Variants in EBF1 observed in about 807,000 individuals in gnomAD.
The protein encoded by EBF1 is transcription factor COE1.
A neutral mutation model predicts 68.4 loss-of-function variants in EBF1; 10 were observed. That is an observed-to-expected ratio of 0.15 (90% CI 0.09 to 0.25). EBF1 has a LOEUF of 0.25. Among genes scored for constraint, EBF1 ranks in the 10% least tolerant of loss-of-function variants. The probability of loss-of-function intolerance (pLI) is 1.00; values close to 1 mark genes in which losing one functional copy is unlikely to be tolerated. For missense variants in EBF1, 509 were observed against 794.4 expected, an observed-to-expected ratio of 0.64 and a Z score of 4.32; for synonymous variants, 298 against 299.8, an observed-to-expected ratio of 0.99 and a Z score of 0.06.
chr5:158,934,575 T>G (rs933124553), intron 6 of EBF1, among the ~76,000 whole-genome samples: 1 of 152,220 alleles, frequency 6.6e-6, no homozygotes, highest in African/African-American at 2.4e-5. Context: ...CAGACAGACC[T>G]TGCAATGGGC....
At chr5:158,834,869 G>T (rs1358511487) in intron 7 of EBF1, among the ~76,000 whole-genome samples, 1 of 152,244 alleles carries the variant, frequency 6.6e-6, no homozygotes, top group African/African-American at 2.4e-5. Flanking sequence ...GAAAGCAGCG[G>T]CAGTGACCAC....
At chr5:158,798,624 T>G (rs1780015404) in intron 8 of EBF1, among the ~76,000 whole-genome samples, 1 of 152,120 alleles carries the variant, frequency 6.6e-6, no homozygotes, top group Admixed American at 6.6e-5. Flanking sequence ...GATACAGAAG[T>G]CACGTGGGTG....
At chr5:158,714,026 A>T (rs1760066417) in intron 12 of EBF1, 91 bp downstream of exon 12, 2 of 1,360,684 alleles carry the variant, frequency 1.5e-6, no homozygotes, top group African/African-American at 2.9e-5. Context: ...CATGGCTTTT[A>T]TATTGTTTGT....
At position 158,962,143 on chromosome 5, in the gene EBF1, G is replaced by A. The variant is rs77530624; in HGVS notation, c.554+111253C>T. On this transcript the variant is annotated intron_variant, in intron 6 of 15. Coordinates refer to ENST00000313708, the MANE Select transcript of EBF1 (RefSeq NM_024007.5). ...GATAAAGCCGGTGGCAGCTTGAGGG[G>A]CGGTATGCTTCCAAAATACGTAAAC... Among the ~76,000 whole-genome samples the A allele has an allele frequency of 5.2e-3, 798 of 152,248 alleles. 44 individuals carry two copies. The East Asian group carries it at 0.13, about 25-fold the overall frequency.
intron 6 of EBF1, among the ~76,000 whole-genome samples, chr5:158,886,125 C>T (rs1297247737): frequency 2.0e-5 from 3 of 152,222 alleles, no homozygotes; most frequent in Admixed American, 2.0e-4. Flanking sequence ...TTCCTACCTT[C>T]CAGATTATCT....
chr5:158,972,296 A>AT (rs1292708313), intron 6 of EBF1, among the ~76,000 whole-genome samples: 2 of 152,108 alleles, frequency 1.3e-5, no homozygotes, highest in Non-Finnish European at 2.9e-5. Context: ...ACCTGCCCAT[A>AT]TTACCCACGT....
At chr5:158,864,622 A>T (rs1795550186) in intron 6 of EBF1, among the ~76,000 whole-genome samples, 1 of 152,182 alleles carries the variant, frequency 6.6e-6, no homozygotes, top group East Asian at 1.9e-4. Context: ...AAAGACTCAC[A>T]AGTTAAAAAA....
At chr5:158,844,638 C>T (rs374705943) in intron 6 of EBF1, among the ~76,000 whole-genome samples, 6 of 152,182 alleles carry the variant, frequency 3.9e-5, no homozygotes, top group African/African-American at 1.4e-4. Flanking sequence ...ATCCATATGT[C>T]CTGATGTCTA....
Position 158,885,217 on chromosome 5 carries a change from A to G in EBF1, c.555-45107T>C, listed in dbSNP as rs535486842. Among the ~76,000 whole-genome samples, 5 of 152,348 alleles carry G rather than the reference A, an allele frequency of 3.3e-5. No individual in the cohort carries two copies. The South Asian group carries it at 1.0e-3, about 32-fold the overall frequency. On this transcript the variant is annotated intron_variant, in intron 6 of 15. Transcript: ENST00000313708. ...TTCATCCAGATGACAATGGGAAGAC[A>G]TGGAAAAGTTTCAGCCAGAAGATGA...
At chr5:159,016,391 C>T (rs1765624617) in intron 6 of EBF1, among the ~76,000 whole-genome samples, 1 of 152,114 alleles carries the variant, frequency 6.6e-6, no homozygotes, top group South Asian at 2.1e-4. Flanking sequence ...TTCGGAATTG[C>T]TCTCTCATAA....
intron 1 of EBF1, among the ~76,000 whole-genome samples, chr5:159,098,931 A>G (rs1783145324): frequency 6.6e-6 from 1 of 151,848 alleles, no homozygotes; most frequent in Non-Finnish European, 1.5e-5. Context: ...GAAGGAAGAG[A>G]AAGAAAGAAA....
intron 10 of EBF1, among the ~76,000 whole-genome samples, chr5:158,752,579 C>A (rs539955879): frequency 6.6e-6 from 1 of 152,130 alleles, no homozygotes; most frequent in African/African-American, 2.4e-5. Flanking sequence ...TCTACAATGG[C>A]AAATTTTTAC....
intron 6 of EBF1, among the ~76,000 whole-genome samples, chr5:158,850,866 G>C (rs573482476): frequency 6.6e-6 from 1 of 151,906 alleles, no homozygotes; most frequent in Non-Finnish European, 1.5e-5. Context: ...AATTAGCCAG[G>C]CATGGTGGCG....
intron 9 of EBF1, among the ~76,000 whole-genome samples, chr5:158,792,214 A>G (rs983218850): frequency 1.1e-4 from 17 of 152,368 alleles, no homozygotes; most frequent in Non-Finnish European, 2.4e-4. Flanking sequence ...GAATAAGAGT[A>G]AAATAATTTA....
chr5:158,803,899 A>G (rs2127769695), intron 8 of EBF1, among the ~76,000 whole-genome samples: 1 of 150,194 alleles, frequency 6.7e-6, no homozygotes, highest in African/African-American at 2.5e-5. Flanking sequence ...TATCTAGATA[A>G]TACTTGGCAA....
chr5:159,058,438 G>C (rs1220696597), intron 6 of EBF1, among the ~76,000 whole-genome samples: 1 of 152,186 alleles, frequency 6.6e-6, no homozygotes, highest in African/African-American at 2.4e-5. Flanking sequence ...CTGGGGAATT[G>C]TCCAGTCCAC....
At chr5:158,894,477 C>T (rs1237993332) in intron 6 of EBF1, among the ~76,000 whole-genome samples, 1 of 152,090 alleles carries the variant, frequency 6.6e-6, no homozygotes, top group Non-Finnish European at 1.5e-5. Flanking sequence ...CTTTTTTACT[C>T]ATACTCCTGA....
Position 159,049,905 on chromosome 5 carries a change from G to A in EBF1, c.554+23491C>T, listed in dbSNP as rs17056486. On this transcript the variant is annotated intron_variant, in intron 6 of 15. Transcript: ENST00000313708. ...TTGTCCTACAAAACTAACTCTCTCC[G>A]ACACAGCACAGCAAATTCATTCAAT... Among the ~76,000 whole-genome samples the A allele has an allele frequency of 6.2e-3, 945 of 152,192 alleles. 10 individuals are homozygous for A. The highest frequency in any genetic ancestry group is 0.022 in the African/African-American group (900 of 41,514).
intron 6 of EBF1, among the ~76,000 whole-genome samples, chr5:158,980,966 A>T (rs146467713): frequency 6.6e-6 from 1 of 152,332 alleles, no homozygotes; most frequent in African/African-American, 2.4e-5. Context: ...TTTCTAAAAC[A>T]TGATGAATAT....
Sources: gnomAD v4.1 joint callset for allele counts (sites outside exome capture counted in the v4.1 genomes callset) on GRCh38, gnomAD v4.1.1 for gene constraint, MANE v1.5 for transcripts, NCBI Gene and HGNC (gene_info 2026-07-23, HGNC 2026-07-21) for gene names.